The following WFDC1 variants were observed in gnomAD, a reference collection of about 807,000 sequenced individuals.
The protein encoded by WFDC1 is WAP four-disulfide core domain protein 1.
In WFDC1, 39 loss-of-function variants were observed where a neutral mutation model predicts 32.9. That is an observed-to-expected ratio of 1.19 (90% CI 0.92 to 1.55). The LOEUF (loss-of-function observed/expected upper bound fraction) is 1.55, where lower values mean the gene tolerates loss of function less well. Ranked by LOEUF, WFDC1 falls within the 40% of genes most tolerant of loss-of-function variation. The pLI, the probability that WFDC1 is intolerant of heterozygous loss-of-function variation, is 0.00. For missense variants in WFDC1, 386 were observed against 309.5 expected, an observed-to-expected ratio of 1.25 and a Z score of -1.85; for synonymous variants, 184 against 137.4, an observed-to-expected ratio of 1.34 and a Z score of -2.37.
intron 1 of WFDC1, among the ~76,000 whole-genome samples, chr16:84,302,284 A>G (rs1906987621): frequency 1.3e-5 from 2 of 152,188 alleles, no homozygotes; most frequent in Non-Finnish European, 2.9e-5. Context: ...GAAATAGATC[A>G]TGGAGGTGGT....
chr16:84,320,509 C>T (rs1908243664), intron 4 of WFDC1, among the ~76,000 whole-genome samples: 1 of 152,234 alleles, frequency 6.6e-6, no homozygotes, highest in African/African-American at 2.4e-5. Flanking sequence ...GTGTTGCTCT[C>T]ATTGGCATAA....
At chr16:84,298,332 T>A (rs1039259491) in intron 1 of WFDC1, among the ~76,000 whole-genome samples, 8 of 152,052 alleles carry the variant, frequency 5.3e-5, no homozygotes, top group Admixed American at 5.2e-4. Context: ...TGAGCTCAGG[T>A]GATCCGCCCG....
chr16:84,299,237 G>A (rs560293472), intron 1 of WFDC1, among the ~76,000 whole-genome samples: 10 of 152,240 alleles, frequency 6.6e-5, no homozygotes, highest in African/African-American at 2.4e-4. Flanking sequence ...GGTGGCGCAT[G>A]CCTGTAATCC....
intron 1 of WFDC1, among the ~76,000 whole-genome samples, chr16:84,310,733 G>A (rs191023048): frequency 1.1e-4 from 17 of 152,190 alleles, no homozygotes; most frequent in South Asian, 2.1e-4. Context: ...ACGCTGTTCC[G>A]AACCGTGGTT....
chr16:84,301,092 A>G (rs1906905435), intron 1 of WFDC1, among the ~76,000 whole-genome samples: 1 of 152,132 alleles, frequency 6.6e-6, no homozygotes, highest in African/African-American at 2.4e-5. Context: ...CACATGAGGG[A>G]CCAGAGAACA....
intron 4 of WFDC1, among the ~76,000 whole-genome samples, chr16:84,319,848 T>C (rs963782322): frequency 6.6e-6 from 1 of 152,224 alleles, no homozygotes; most frequent in Non-Finnish European, 1.5e-5. Flanking sequence ...GGTTAATTTC[T>C]TCCTATCTCT....
chr16:84,308,021 C>T (rs1221831225), intron 1 of WFDC1, among the ~76,000 whole-genome samples: 1 of 152,220 alleles, frequency 6.6e-6, no homozygotes, highest in Non-Finnish European at 1.5e-5. Context: ...TCCATATCCA[C>T]CAAATGCCAG....
chr16:84,318,476 A>T (rs1908096053), intron 3 of WFDC1, 121 bp downstream of exon 3: 2 of 909,378 alleles, frequency 2.2e-6, no homozygotes, highest in Non-Finnish European at 3.5e-6. Flanking sequence ...TCAGCCAAAC[A>T]CTCAGCCCTC....
In WFDC1 at chr16:84,324,423, G is replaced by C; in HGVS notation, c.567G>C (p.Gly189=). ...QCVKQRRQAD[G]RILRHKLYKE... is the part of the protein sequence containing the mutation. ...TTCCTCTCACTTGTTTTCCAGATGG[G>C]CGAATCCTACGACACAAACTTTACA... Residue 189 remains glycine (G), a synonymous_variant, in exon 5 of 7, where the codon GGG becomes GGC. Coordinates refer to ENST00000219454, the MANE Select transcript of WFDC1 (RefSeq NM_021197.4). The C allele has an allele frequency of 1.9e-6, 3 of 1,613,792 alleles. No homozygotes were observed. Among genetic ancestry groups the C allele is most frequent in the Non-Finnish European group, 2.5e-6 (3 of 1,179,948 alleles).
At chr16:84,318,243 G>T in intron 2 of WFDC1, 29 bp from the exon 3 acceptor site, 1 of 1,612,592 alleles carries the variant, frequency 6.2e-7, no homozygotes, top group Non-Finnish European at 8.5e-7. Flanking sequence ...GCTTGAGGAG[G>T]GCCCTGATCT....
rs536260681 is a variant in WFDC1 at position 84,307,894 on chromosome 16, G to A, written c.145-5067G>A. On this transcript the variant is annotated intron_variant, in intron 1 of 6. Coordinates refer to ENST00000219454, the MANE Select transcript of WFDC1 (RefSeq NM_021197.4). Reference sequence around the variant, plus strand: ...TGCGGCTGGAAAGTTATTGGTGGTGGTTACAGGGGTGAGGGAGATTGGGCG... The same window carrying A: ...TGCGGCTGGAAAGTTATTGGTGGTGATTACAGGGGTGAGGGAGATTGGGCG... Among the ~76,000 whole-genome samples the A allele has an allele frequency of 7.3e-4, 111 of 152,278 alleles. 2 individuals carry two copies. The South Asian group carries it at 0.022, about 31-fold the overall frequency.
intron 2 of WFDC1, among the ~76,000 whole-genome samples, chr16:84,314,584 C>G (rs35440108): frequency 1.9e-4 from 29 of 152,198 alleles, no homozygotes; most frequent in African/African-American, 6.7e-4. Flanking sequence ...GAGGTCACAG[C>G]GATGACAGGG....
chr16:84,311,656 G>T (rs896812283), intron 1 of WFDC1, among the ~76,000 whole-genome samples: 1 of 136,008 alleles, frequency 7.4e-6, no homozygotes, highest in Admixed American at 7.6e-5. Context: ...AGCCTCCCAA[G>T]TACCTGGGAC....
chr16:84,309,868 TTG>T lies in WFDC1; in HGVS notation c.145-3074_145-3073del, dbSNP rs10541544. ...ACATGTGTGTGTGGGGGGGGCGTGC[TTG>T]TGTGTGTGTGTGTGTGTGATCTCCC... On this transcript the variant is annotated intron_variant, in intron 1 of 6. Coordinates refer to ENST00000219454, the MANE Select transcript of WFDC1 (RefSeq NM_021197.4). Among the ~76,000 whole-genome samples the T allele has an allele frequency of 9.3e-5, 14 of 150,564 alleles. No individual in the cohort carries two copies. In the East Asian group the frequency reaches 1.2e-3, roughly 13 times the overall value.
rs114935532 is a variant in WFDC1, at chr16:84,300,390, T to C, written c.144+5275T>C. Among the ~76,000 whole-genome samples, 511 of 152,368 alleles carry C rather than the reference T, an allele frequency of 3.4e-3. 2 individuals carry two copies. Among genetic ancestry groups the C allele is most frequent in the African/African-American group, 0.012 (481 of 41,592 alleles). On this transcript the variant is annotated intron_variant, in intron 1 of 6. Transcript: ENST00000219454. ...TAGTGCCCAGGCAGCCACCTGCTCA[T>C]TAACACTCCCTGAAGGGCGCCTTCC...
chr16:84,300,683 G>A (rs1906881503), intron 1 of WFDC1, among the ~76,000 whole-genome samples: 1 of 152,208 alleles, frequency 6.6e-6, no homozygotes, highest in Admixed American at 6.5e-5. Context: ...AAGAAAAGGA[G>A]AAGGGGCCAG....
rs368697462 is a variant in WFDC1 at position 84,310,222 on chromosome 16, C to T, written c.145-2739C>T. 8.4e-4 allele frequency among the ~76,000 whole-genome samples: 127 copies of T among 151,502 alleles called. 1 individual carries two copies. Among genetic ancestry groups the T allele is most frequent in the African/African-American group, 3.0e-3 (125 of 41,304 alleles). The stretch of plus-strand genomic sequence containing the variant: ...GGACATAGAAGCGGGGGTGGTGTGG[C>T]CCTAACCCTGGCCTGGGAGGGCTGG... On this transcript the variant is annotated intron_variant, in intron 1 of 6. Coordinates refer to ENST00000219454, the MANE Select transcript of WFDC1 (RefSeq NM_021197.4).
At chr16:84,304,520 G>A (rs1395402928) in intron 1 of WFDC1, among the ~76,000 whole-genome samples, 3 of 151,960 alleles carry the variant, frequency 2.0e-5, no homozygotes, top group African/African-American at 4.8e-5. Flanking sequence ...GAGCCACCGC[G>A]CCCGGCCAGG....
chr16:84,311,247 A>G (rs1597676256), intron 1 of WFDC1, among the ~76,000 whole-genome samples: 1 of 69,740 alleles, frequency 1.4e-5, no homozygotes, highest in Non-Finnish European at 2.7e-5. Flanking sequence ...ACAGTACTAT[A>G]TCTTTTTTTT....
Sources: gnomAD v4.1 joint callset for allele counts (sites outside exome capture counted in the v4.1 genomes callset) on GRCh38, gnomAD v4.1.1 for gene constraint, MANE v1.5 for transcripts, NCBI Gene and HGNC (gene_info 2026-07-23, HGNC 2026-07-21) for gene names.